Variants in SCFD2 observed in about 807,000 individuals in gnomAD.
The protein encoded by SCFD2 is sec1 family domain-containing protein 2.
A neutral mutation model predicts 58.9 loss-of-function variants in SCFD2; 54 were observed. That is an observed-to-expected ratio of 0.92 (90% CI 0.74 to 1.15). SCFD2 has a LOEUF of 1.15. SCFD2 is among the 50% of genes most tolerant of loss of function. SCFD2 has a pLI of 0.00. For missense variants in SCFD2, 805 were observed against 836.6 expected, an observed-to-expected ratio of 0.96 and a Z score of 0.47; for synonymous variants, 321 against 335.9, an observed-to-expected ratio of 0.96 and a Z score of 0.49.
intron 4 of SCFD2, among the ~76,000 whole-genome samples, chr4:53,247,327 A>G (rs1267783583): frequency 1.3e-5 from 2 of 152,284 alleles, no homozygotes; most frequent in Non-Finnish European, 2.9e-5. Context: ...TTCACGCAGT[A>G]TGGAGATTCC....
intron 5 of SCFD2, among the ~76,000 whole-genome samples, chr4:52,951,581 T>C (rs557866986): frequency 2.5e-4 from 38 of 152,338 alleles, no homozygotes; most frequent in African/African-American, 8.4e-4. Flanking sequence ...ATACTGACTA[T>C]CTGTAGGATC....
chr4:53,039,487 T>C (rs1461684954), intron 5 of SCFD2, among the ~76,000 whole-genome samples: 1 of 152,148 alleles, frequency 6.6e-6, no homozygotes, highest in African/African-American at 2.4e-5. Flanking sequence ...TACAATATAC[T>C]TTAAAATTCT....
intron 7 of SCFD2, among the ~76,000 whole-genome samples, chr4:52,906,694 T>C (rs1719356557): frequency 6.6e-6 from 1 of 152,172 alleles, no homozygotes; most frequent in South Asian, 2.1e-4. Flanking sequence ...GGAATATGCA[T>C]TTATTGAACT....
At chr4:53,036,034 TTTG>T (rs1350620913) in intron 5 of SCFD2, among the ~76,000 whole-genome samples, 9 of 151,914 alleles carry the variant, frequency 5.9e-5, no homozygotes, top group Non-Finnish European at 1.3e-4. Context: ...CCATATCGTT[TTTG>T]TTTTTATTTT....
chr4:52,981,393 A>T (rs1284102196), intron 5 of SCFD2, among the ~76,000 whole-genome samples: 2 of 152,168 alleles, frequency 1.3e-5, no homozygotes, highest in African/African-American at 4.8e-5. Context: ...AATTGAAAAC[A>T]TTGCTGGTTA....
chr4:52,979,220 G>A (rs1427294509), intron 5 of SCFD2, among the ~76,000 whole-genome samples: 2 of 152,090 alleles, frequency 1.3e-5, no homozygotes, highest in East Asian at 1.9e-4. Flanking sequence ...CTACAGATGG[G>A]TGTGAATAAT....
chr4:53,282,918 A>G (rs1289709728), intron 3 of SCFD2, among the ~76,000 whole-genome samples: 2 of 152,236 alleles, frequency 1.3e-5, no homozygotes, highest in African/African-American at 4.8e-5. Flanking sequence ...TCCCACCTCG[A>G]TAAGAGGCTT....
chr4:53,249,589 A>T (rs926108933), intron 4 of SCFD2, among the ~76,000 whole-genome samples: 7 of 152,260 alleles, frequency 4.6e-5, no homozygotes, highest in Admixed American at 6.5e-5. Context: ...GAAGCCCATC[A>T]GACTCACAGC....
chr4:53,094,303 T>C (rs1471786448), intron 5 of SCFD2, among the ~76,000 whole-genome samples: 4 of 152,128 alleles, frequency 2.6e-5, no homozygotes, highest in Non-Finnish European at 5.9e-5. Flanking sequence ...GAAATTTATT[T>C]CCTTACAATT....
intron 5 of SCFD2, among the ~76,000 whole-genome samples, chr4:53,098,824 G>A (rs1359755454): frequency 6.6e-6 from 1 of 151,838 alleles, no homozygotes; most frequent in Non-Finnish European, 1.5e-5. Flanking sequence ...CACACATTCT[G>A]ACTTCCTTAA....
chr4:52,878,891 G>A (rs1718540592), intron 8 of SCFD2, among the ~76,000 whole-genome samples: 2 of 152,142 alleles, frequency 1.3e-5, no homozygotes, highest in Admixed American at 6.5e-5. Flanking sequence ...TTAGAAATCA[G>A]AGGTACATAG....
chr4:53,265,102 A>C (rs1426544258), intron 4 of SCFD2, among the ~76,000 whole-genome samples: 13 of 152,206 alleles, frequency 8.5e-5, no homozygotes, highest in African/African-American at 3.1e-4. Context: ...TCCTTAATAC[A>C]TTGTTTGCTA....
intron 5 of SCFD2, among the ~76,000 whole-genome samples, chr4:52,922,075 C>T (rs1245738317): frequency 6.6e-6 from 1 of 152,138 alleles, no homozygotes. Flanking sequence ...ACCTCCCTAC[C>T]TCCTGACTGT....
chr4:52,874,018 G>A lies in SCFD2; in HGVS notation c.2006C>T (p.Pro669Leu), dbSNP rs575311909. The A allele has an allele frequency of 1.7e-5, 28 of 1,614,080 alleles. No homozygotes were observed. In the South Asian group the frequency reaches 2.6e-4, roughly 15 times the overall value. ...STRLLKPLNI[P>L]ELLFATDRLH... ...TCGGTCAGTTGCAAATAACAGCTCA[G>A]GAATGTTAAGTGGCTTCAGGAGTCG... The change falls in exon 9 of 9, where the codon CCT (proline) becomes CTT (leucine). Residue 669 changes from proline to leucine, a missense_variant. Physicochemically the swap from Pro to Leu is moderately conservative, Grantham distance 98. Around this residue, in one of 3 missense-constraint regions of SCFD2, gnomAD observed 633 missense variants for 646.8 expected, o/e 0.98. Coordinates refer to ENST00000401642, the MANE Select transcript of SCFD2 (RefSeq NM_152540.4).
At chr4:53,038,377 C>A (rs1006754328) in intron 5 of SCFD2, among the ~76,000 whole-genome samples, 1 of 152,094 alleles carries the variant, frequency 6.6e-6, no homozygotes, top group Non-Finnish European at 1.5e-5. Flanking sequence ...CTTTGGCCCA[C>A]CCTCAATTGT....
intron 5 of SCFD2, among the ~76,000 whole-genome samples, chr4:52,972,579 C>G (rs1440307122): frequency 6.6e-6 from 1 of 152,150 alleles, no homozygotes; most frequent in East Asian, 1.9e-4. Flanking sequence ...GAGACTTTAA[C>G]ACCCCACTGT....
intron 6 of SCFD2, 96 bp downstream of exon 6, chr4:52,920,629 G>T (rs2109485235): frequency 1.2e-6 from 1 of 856,852 alleles, no homozygotes; most frequent in East Asian, 2.9e-5. Flanking sequence ...CAAACCTTTG[G>T]TTTTAGGAAG....
At chr4:53,327,871 G>T (rs1289867953) in intron 2 of SCFD2, among the ~76,000 whole-genome samples, 1 of 152,120 alleles carries the variant, frequency 6.6e-6, no homozygotes, top group Non-Finnish European at 1.5e-5. Context: ...GATCGGCCGG[G>T]TGCAGTGGCC....
intron 2 of SCFD2, among the ~76,000 whole-genome samples, chr4:53,350,435 G>C (rs1734182447): frequency 6.6e-6 from 1 of 152,068 alleles, no homozygotes. Flanking sequence ...TATATTCCTA[G>C]AACTATTTTG....
Sources: gnomAD v4.1 joint callset for allele counts (sites outside exome capture counted in the v4.1 genomes callset) on GRCh38, gnomAD v4.1.1 for gene constraint, gnomAD v4.1.1 regional missense constraint, MANE v1.5 for transcripts, NCBI Gene and HGNC (gene_info 2026-07-23, HGNC 2026-07-21) for gene names.